The following RAB27B variants were observed in gnomAD, a reference collection of about 807,000 sequenced individuals.
The protein encoded by RAB27B is ras-related protein Rab-27B.
RAB27B carries 15 observed loss-of-function variants against 24.6 expected under a neutral mutation model. The ratio of observed to expected loss-of-function variants is 0.61; its 90% CI spans 0.41 to 0.94. The LOEUF (loss-of-function observed/expected upper bound fraction) is 0.94, where lower values mean the gene tolerates loss of function less well. Among genes scored for constraint, RAB27B ranks in the 40% least tolerant of loss-of-function variants. The pLI is 0.00. For missense variants in RAB27B, 261 were observed against 266.8 expected (o/e 0.98, Z 0.15); for synonymous variants, 105 against 92.5 (o/e 1.14, Z -0.78).
intron 2 of RAB27B, among the ~76,000 whole-genome samples, chr18:54,878,907 T>C (rs910995668): frequency 2.0e-5 from 3 of 152,176 alleles, no homozygotes; most frequent in African/African-American, 7.2e-5. Context: ...TAAAAGATAT[T>C]CGGATATTTG....
chr18:54,752,474 C>G (rs946856306), intron 2 of RAB27B, among the ~76,000 whole-genome samples: 7 of 152,274 alleles, frequency 4.6e-5, no homozygotes, highest in African/African-American at 1.2e-4. Context: ...AAAACACCTG[C>G]TTTACCAAAT....
intron 2 of RAB27B, among the ~76,000 whole-genome samples, chr18:54,813,681 A>T (rs2145153441): frequency 6.6e-6 from 1 of 152,326 alleles, no homozygotes; most frequent in Admixed American, 6.5e-5. Context: ...ATGAGCCAAA[A>T]TAAACCTGTT....
chr18:54,759,271 T>C (rs1025938057), intron 2 of RAB27B, among the ~76,000 whole-genome samples: 3 of 152,194 alleles, frequency 2.0e-5, no homozygotes, highest in African/African-American at 7.2e-5. Context: ...CTGATATATT[T>C]TTCTACCTTT....
At chr18:54,850,357 T>TATATATATATATATATACACATAC (rs1264669719) in intron 1 of RAB27B, among the ~76,000 whole-genome samples, 1 of 130,582 alleles carries the variant, frequency 7.7e-6, no homozygotes, top group African/African-American at 3.1e-5. Context: ...TATATATATA[T>TATATATATATATATATACACATAC]ATACATACAT....
intron 2 of RAB27B, among the ~76,000 whole-genome samples, chr18:54,732,046 G>A (rs535543656): frequency 1.3e-5 from 2 of 152,284 alleles, no homozygotes; most frequent in South Asian, 2.1e-4. Context: ...GACATACTGA[G>A]TATTGTGTAA....
upstream of RAB27B, among the ~76,000 whole-genome samples, chr18:54,824,250 C>CT (rs1265317093): frequency 6.6e-6 from 1 of 152,098 alleles, no homozygotes; most frequent in Non-Finnish European, 1.5e-5. Context: ...TTTCTTGCAA[C>CT]TTTTTGTTTC....
chr18:54,844,804 C>T (rs116912631), intron 1 of RAB27B, among the ~76,000 whole-genome samples: 2,521 of 152,202 alleles, frequency 0.017, 29 homozygotes, highest in Non-Finnish European at 0.027. Flanking sequence ...CTTCTTTTGT[C>T]CTACAAATTT....
At chr18:54,790,987 G>T (rs8098424) in intron 2 of RAB27B, among the ~76,000 whole-genome samples, 1 of 151,856 alleles carries the variant, frequency 6.6e-6, no homozygotes, top group Non-Finnish European at 1.5e-5. Context: ...TTTTTCTGTT[G>T]CTAAGACTAT....
intron 3 of RAB27B, chr18:54,880,515 C>T (rs1598990470): frequency 6.6e-6 from 1 of 152,162 alleles, no homozygotes; most frequent in Non-Finnish European, 1.5e-5. Context: ...AAAGCGTTCT[C>T]GCTTTTAGCG....
chr18:54,791,387 A>C (rs1458085832), intron 2 of RAB27B, among the ~76,000 whole-genome samples: 2 of 152,174 alleles, frequency 1.3e-5, no homozygotes, highest in Non-Finnish European at 2.9e-5. Flanking sequence ...CAGCCAGGGC[A>C]ACATAGTGAG....
intron 3 of RAB27B, among the ~76,000 whole-genome samples, chr18:54,883,404 A>G (rs1913006534): frequency 6.6e-6 from 1 of 152,208 alleles, no homozygotes; most frequent in South Asian, 2.1e-4. Context: ...ACCAAAAATT[A>G]GAAGAACATT....
At chr18:54,821,112 G>A (rs928422372) in intron 2 of RAB27B, among the ~76,000 whole-genome samples, 2 of 152,104 alleles carry the variant, frequency 1.3e-5, no homozygotes, top group African/African-American at 4.8e-5. Context: ...GTTTGCAGAC[G>A]ACATGATTGT....
chr18:54,860,727 T>A (rs889367279), intron 1 of RAB27B, among the ~76,000 whole-genome samples: 2 of 152,232 alleles, frequency 1.3e-5, no homozygotes, highest in Non-Finnish European at 2.9e-5. Context: ...CTTCAAATCA[T>A]GCACATCACA....
chr18:54,823,645 A>G (rs1306920744), upstream of RAB27B, among the ~76,000 whole-genome samples: 2 of 152,234 alleles, frequency 1.3e-5, no homozygotes, highest in South Asian at 2.1e-4. Context: ...AAGTTGCTTA[A>G]TAAATGTTTG....
intron 1 of RAB27B, among the ~76,000 whole-genome samples, chr18:54,843,126 A>C (rs1477209841): frequency 2.0e-5 from 3 of 152,180 alleles, no homozygotes; most frequent in African/African-American, 7.2e-5. Flanking sequence ...GACAGGCAAC[A>C]TAAACTTCTA....
intron 1 of RAB27B, among the ~76,000 whole-genome samples, chr18:54,848,279 A>G (rs1391405598): frequency 1.3e-5 from 2 of 152,384 alleles, no homozygotes; most frequent in Middle Eastern, 3.4e-3. Context: ...TGGAAGAGTG[A>G]ATTTATAAAA....
chr18:54,870,424 CTA>C (rs1568107588), intron 1 of RAB27B, among the ~76,000 whole-genome samples: 1 of 152,056 alleles, frequency 6.6e-6, no homozygotes, highest in Non-Finnish European at 1.5e-5. Context: ...TGGGAAAACA[CTA>C]AAAAAATTTT....
At chr18:54,759,424 C>T (rs548322338) in intron 2 of RAB27B, among the ~76,000 whole-genome samples, 6 of 152,238 alleles carry the variant, frequency 3.9e-5, no homozygotes, top group Admixed American at 1.3e-4. Context: ...TGAAGGCATT[C>T]GATGGTGATT....
At chr18:54,734,029 A>G (rs1300895760) in intron 2 of RAB27B, among the ~76,000 whole-genome samples, 4 of 152,212 alleles carry the variant, frequency 2.6e-5, no homozygotes, top group Non-Finnish European at 5.9e-5. Flanking sequence ...TACTAAGGAA[A>G]GGGTTAAAGA....
Sources: gnomAD v4.1 joint callset for allele counts (sites outside exome capture counted in the v4.1 genomes callset) on GRCh38, gnomAD v4.1.1 for gene constraint, MANE v1.5 for transcripts, NCBI Gene and HGNC (gene_info 2026-07-23, HGNC 2026-07-21) for gene names.